Variants in LHPP observed in about 807,000 individuals in gnomAD.
LHPP encodes hLHPP.
Under a neutral mutation model 30.3 loss-of-function variants are expected in LHPP, and 24 were observed. That is an observed-to-expected ratio of 0.79 (90% CI 0.57 to 1.11). The LOEUF is 1.11. LHPP is among the 50% of genes most tolerant of loss of function. The probability of loss-of-function intolerance (pLI) is 0.00; values close to 1 mark genes in which losing one functional copy is unlikely to be tolerated. For missense variants in LHPP, 356 were observed against 367.2 expected, an observed-to-expected ratio of 0.97 and a Z score of 0.25; for synonymous variants, 150 against 157.1, an observed-to-expected ratio of 0.95 and a Z score of 0.34.
chr10:124,554,773 CT>C (rs1948264516), intron 6 of LHPP, among the ~76,000 whole-genome samples: 1 of 152,232 alleles, frequency 6.6e-6, no homozygotes, highest in African/African-American at 2.4e-5. Context: ...TTTCTGTACA[CT>C]TTTTCCATCT....
chr10:124,598,237 G>A (rs34042290), intron 6 of LHPP, among the ~76,000 whole-genome samples: 31,255 of 152,256 alleles, frequency 0.21, 4,022 homozygotes, highest in Middle Eastern at 0.26. Flanking sequence ...TGAGAGGAGC[G>A]TCCCATCAGC....
At chr10:124,566,440 C>T (rs1204504023) in intron 6 of LHPP, among the ~76,000 whole-genome samples, 1 of 152,214 alleles carries the variant, frequency 6.6e-6, no homozygotes, top group African/African-American at 2.4e-5. Context: ...CAAGCCATGG[C>T]CTCAAGCAAC....
At chr10:124,556,769 A>G (rs1034372021) in intron 6 of LHPP, among the ~76,000 whole-genome samples, 5 of 152,224 alleles carry the variant, frequency 3.3e-5, no homozygotes, top group African/African-American at 1.2e-4. Flanking sequence ...TAATGAGACT[A>G]AAGGCTTTTT....
At chr10:124,492,208 ACTT>A (rs1404324221) in intron 3 of LHPP, among the ~76,000 whole-genome samples, 1 of 152,166 alleles carries the variant, frequency 6.6e-6, no homozygotes, top group African/African-American at 2.4e-5. Context: ...GTAGAGAAGT[ACTT>A]CTTCACGCTG....
At chr10:124,468,850 A>G (rs1179516895) in intron 1 of LHPP, among the ~76,000 whole-genome samples, 2 of 152,122 alleles carry the variant, frequency 1.3e-5, no homozygotes, top group African/African-American at 2.4e-5. Context: ...CCTCCCTCGC[A>G]TGCCTGTGGG....
At chr10:124,600,339 T>C (rs1258796943) in intron 6 of LHPP, among the ~76,000 whole-genome samples, 1 of 152,262 alleles carries the variant, frequency 6.6e-6, no homozygotes, top group African/African-American at 2.4e-5. Flanking sequence ...GGTGCCTGCT[T>C]CGCCAAAGGC....
chr10:124,468,573 G>T (rs1311536262), intron 1 of LHPP, among the ~76,000 whole-genome samples: 2 of 152,090 alleles, frequency 1.3e-5, no homozygotes, highest in African/African-American at 2.4e-5. Flanking sequence ...TGTCCACGAG[G>T]ACCTTCTCAA....
intron 2 of LHPP, among the ~76,000 whole-genome samples, chr10:124,486,786 C>A (rs149564289): frequency 1.3e-5 from 2 of 152,180 alleles, no homozygotes; most frequent in Non-Finnish European, 2.9e-5. Context: ...CAGGTGTTCA[C>A]TGTAAGCCAA....
chr10:124,542,676 C>T (rs12266883), intron 6 of LHPP, among the ~76,000 whole-genome samples: 15 of 152,294 alleles, frequency 9.8e-5, no homozygotes, highest in African/African-American at 3.1e-4. Flanking sequence ...ACCCTGGGGC[C>T]CAGCCAGGCT....
At chr10:124,588,614 T>C (rs1434642564) in intron 6 of LHPP, among the ~76,000 whole-genome samples, 1 of 152,152 alleles carries the variant, frequency 6.6e-6, no homozygotes, top group Non-Finnish European at 1.5e-5. Flanking sequence ...TTTTTACAGA[T>C]GTCTGCAAAA....
At chr10:124,562,805 G>A (rs903596478) in intron 6 of LHPP, among the ~76,000 whole-genome samples, 16 of 152,068 alleles carry the variant, frequency 1.1e-4, no homozygotes, top group African/African-American at 2.9e-4. Context: ...GATGGTGCTC[G>A]CCTGTAATTC....
At position 124,478,631 on chromosome 10, in the gene LHPP, C is replaced by T. The variant is rs2133836216; in HGVS notation, c.126-5508C>T. On this transcript the variant is annotated intron_variant, in intron 1 of 6. Coordinates refer to ENST00000368842, the MANE Select transcript of LHPP (RefSeq NM_022126.4). The surrounding 1 kb of genome is among the most constrained non-coding windows in gnomAD (Gnocchi z 4.7). ...GCTCCTGGCAGATGCCAACAGCCAG[C>T]AGATGTGGAGAGTCCGAGGTGATTT... 6.6e-6 allele frequency among the ~76,000 whole-genome samples: 1 copy of T among 152,342 alleles called. No homozygotes were observed. The highest frequency in any genetic ancestry group is 1.5e-5 in the Non-Finnish European group (1 of 68,032).
intron 6 of LHPP, among the ~76,000 whole-genome samples, chr10:124,562,082 G>A (rs927544731): frequency 2.0e-5 from 3 of 152,186 alleles, no homozygotes; most frequent in African/African-American, 7.2e-5. Flanking sequence ...TGAGGTCGGT[G>A]GATCACTTGA....
intron 6 of LHPP, among the ~76,000 whole-genome samples, chr10:124,548,728 TG>T (rs1564824232): frequency 6.6e-6 from 1 of 152,198 alleles, no homozygotes; most frequent in Non-Finnish European, 1.5e-5. Context: ...GGCGGGCAGG[TG>T]GATCTTCGAG....
chr10:124,499,301 T>C (rs979492091), intron 5 of LHPP, among the ~76,000 whole-genome samples: 1 of 147,444 alleles, frequency 6.8e-6, no homozygotes, highest in Non-Finnish European at 1.5e-5. Context: ...ATTACAGGCA[T>C]GAGCCACCAA....
intron 6 of LHPP, among the ~76,000 whole-genome samples, chr10:124,552,330 G>C (rs1948183803): frequency 6.6e-6 from 1 of 152,062 alleles, no homozygotes; most frequent in African/African-American, 2.4e-5. Flanking sequence ...GGCAGAGCAG[G>C]CCCTGAATCC....
At chr10:124,606,916 C>T (rs1949102804) in intron 6 of LHPP, among the ~76,000 whole-genome samples, 1 of 152,248 alleles carries the variant, frequency 6.6e-6, no homozygotes, top group Non-Finnish European at 1.5e-5. Context: ...CCTGTCCCCT[C>T]CCTCCATGTG....
intron 6 of LHPP, among the ~76,000 whole-genome samples, chr10:124,532,994 C>T (rs1483284482): frequency 2.0e-5 from 3 of 152,222 alleles, no homozygotes; most frequent in African/African-American, 7.2e-5. Flanking sequence ...CACTGAGCCT[C>T]AGTTTTCTCA....
Position 124,496,017 on chromosome 10 carries a change from G to T in LHPP, c.468-944G>T, listed in dbSNP as rs1414016449. On this transcript the variant is annotated intron_variant, in intron 3 of 6. Transcript: ENST00000368842. This position sits in a 1 kb window ranked among gnomAD's most constrained non-coding sequence, Gnocchi z 4.3. ...TTCTTCCCTCTCGTTTTCTGCATACGTGCTTTCTCCACGTCTCCCATATCG... is the reference window on the plus strand; with the variant it reads ...TTCTTCCCTCTCGTTTTCTGCATACTTGCTTTCTCCACGTCTCCCATATCG... Among the ~76,000 whole-genome samples, 1 of 152,170 alleles carries T rather than the reference G, an allele frequency of 6.6e-6. No homozygotes were observed. The highest frequency in any genetic ancestry group is 1.5e-5 in the Non-Finnish European group (1 of 68,038).
Sources: gnomAD v4.1 joint callset for allele counts (sites outside exome capture counted in the v4.1 genomes callset) on GRCh38, gnomAD v4.1.1 for gene constraint, Gnocchi (gnomAD v3.1) non-coding constraint, MANE v1.5 for transcripts, NCBI Gene and HGNC (gene_info 2026-07-23, HGNC 2026-07-21) for gene names.